The following ARHGAP26 variants were observed in gnomAD, a reference collection of about 807,000 sequenced individuals.
ARHGAP26 encodes Rho GTPase activating protein 26.
In ARHGAP26, 38 loss-of-function variants were observed where a neutral mutation model predicts 104.8. The observed-to-expected ratio is 0.36, with a 90% confidence interval of 0.28 to 0.48. The LOEUF is 0.48. Ranked by LOEUF, ARHGAP26 falls within the 20% of genes least tolerant of loss-of-function variation. ARHGAP26 has a pLI of 0.99. For synonymous variants in ARHGAP26, 341 were observed against 340.0 expected (o/e 1.00, Z -0.03); for missense variants, 704 against 947.9 (o/e 0.74, Z 3.38).
At chr5:143,037,073 T>C in intron 12 of ARHGAP26, 123 bp from the exon 13 acceptor site, 1 of 540,268 alleles carries the variant, frequency 1.9e-6, no homozygotes, top group Non-Finnish European at 3.3e-6. Context: ...GTACTGTTAT[T>C]GGGAAAAACT....
intron 11 of ARHGAP26, among the ~76,000 whole-genome samples, chr5:143,012,548 C>CATATATATATATATATGTATATAT (rs1414408846): frequency 4.3e-5 from 1 of 23,352 alleles, no homozygotes; most frequent in Non-Finnish European, 1.1e-4. Flanking sequence ...TATATACATA[C>CATATATATATATATATGTATATAT]ATACATATAT....
intron 17 of ARHGAP26, among the ~76,000 whole-genome samples, chr5:143,059,722 G>A (rs1786413953): frequency 6.6e-6 from 1 of 152,180 alleles, no homozygotes; most frequent in African/African-American, 2.4e-5. Context: ...TTACTTCATA[G>A]CATTTCTTGA....
rs1283896667 is a variant in ARHGAP26, at chr5:143,207,561, C to G, written c.2099+253C>G. The G allele has an allele frequency of 6.0e-6, 9 of 1,496,264 alleles. No individual in the cohort carries two copies. The East Asian group carries it at 1.6e-4, about 26-fold the overall frequency. The allele number at this position is 1,496,264 out of a possible 1,614,324, so 92.7% of individuals were successfully genotyped here. ...GGGCTGCCCCTGCTCTCCTGTGGTT[C>G]CATCCTAAGAGACCAGAGCTAAAAG... is the stretch of plus-strand genomic sequence containing the variant. On this transcript the variant is annotated intron_variant, in intron 21 of 22. Coordinates refer to ENST00000645722, the MANE Select transcript of ARHGAP26 (RefSeq NM_001135608.3).
At chr5:142,996,768 T>G (rs1448007241) in intron 11 of ARHGAP26, among the ~76,000 whole-genome samples, 1 of 151,400 alleles carries the variant, frequency 6.6e-6, no homozygotes, top group African/African-American at 2.4e-5. Context: ...TGGAGGGAGG[T>G]TGGGGTTGCA....
At chr5:143,134,920 A>G (rs757121747) in intron 19 of ARHGAP26, among the ~76,000 whole-genome samples, 4 of 152,256 alleles carry the variant, frequency 2.6e-5, no homozygotes, top group Admixed American at 6.5e-5. Flanking sequence ...AGCAGCTACT[A>G]CCATTATTGG....
At chr5:142,981,235 C>T (rs1773896903) in intron 11 of ARHGAP26, among the ~76,000 whole-genome samples, 1 of 152,224 alleles carries the variant, frequency 6.6e-6, no homozygotes, top group Non-Finnish European at 1.5e-5. Context: ...TTGCTACCCA[C>T]TAGTATGGTA....
intron 11 of ARHGAP26, among the ~76,000 whole-genome samples, chr5:142,956,872 C>G (rs1356102147): frequency 6.6e-6 from 1 of 152,152 alleles, no homozygotes; most frequent in Non-Finnish European, 1.5e-5. Flanking sequence ...CCCTGATAAA[C>G]CCATCAGATC....
chr5:143,035,116 T>C (rs245827), intron 12 of ARHGAP26, among the ~76,000 whole-genome samples: 103,620 of 152,246 alleles, frequency 0.68, 42,154 homozygotes, highest in Non-Finnish European at 0.91. Flanking sequence ...GTAATAAGCA[T>C]CACTAAGCAA....
intron 1 of ARHGAP26, among the ~76,000 whole-genome samples, chr5:142,842,884 G>A (rs1771085446): frequency 6.6e-6 from 1 of 152,188 alleles, no homozygotes; most frequent in Admixed American, 6.5e-5. Flanking sequence ...GATTATACTA[G>A]TGATGGTATA....
chr5:142,976,132 A>G (rs989321192), intron 11 of ARHGAP26, among the ~76,000 whole-genome samples: 4 of 152,302 alleles, frequency 2.6e-5, no homozygotes, highest in Admixed American at 6.5e-5. Flanking sequence ...CCAAGTAAAG[A>G]TATGGTATCA....
chr5:142,985,192 A>C (rs1234310626), intron 11 of ARHGAP26, among the ~76,000 whole-genome samples: 1 of 152,254 alleles, frequency 6.6e-6, no homozygotes, highest in Admixed American at 6.5e-5. Context: ...TTGTTGAATA[A>C]GGAAAAAATA....
At chr5:142,818,418 C>T (rs1042179042) in intron 1 of ARHGAP26, among the ~76,000 whole-genome samples, 2 of 152,116 alleles carry the variant, frequency 1.3e-5, no homozygotes, top group East Asian at 1.9e-4. Context: ...CAGGGACTGA[C>T]GGCACAGGAG....
intron 4 of ARHGAP26, among the ~76,000 whole-genome samples, chr5:142,880,494 G>T (rs539496409): frequency 3.4e-5 from 5 of 147,476 alleles, no homozygotes; most frequent in Admixed American, 6.7e-5. Flanking sequence ...TGCAGCCTGG[G>T]CAACAGAGCA....
At chr5:143,145,749 A>G (rs918844573) in intron 19 of ARHGAP26, among the ~76,000 whole-genome samples, 2 of 152,190 alleles carry the variant, frequency 1.3e-5, no homozygotes, top group African/African-American at 4.8e-5. Context: ...ATCTACTTTG[A>G]GTACAGTAGT....
At chr5:143,204,199 CAAAT>C (rs1808207761) in intron 20 of ARHGAP26, among the ~76,000 whole-genome samples, 1 of 152,010 alleles carries the variant, frequency 6.6e-6, no homozygotes, top group African/African-American at 2.4e-5. Context: ...AAAACATAAA[CAAAT>C]GAAATTCTGA....
At chr5:142,833,078 G>A (rs1768822502) in intron 1 of ARHGAP26, among the ~76,000 whole-genome samples, 1 of 151,756 alleles carries the variant, frequency 6.6e-6, no homozygotes, top group South Asian at 2.1e-4. Context: ...TTTTTGAGGT[G>A]GAGTTTCACT....
intron 22 of ARHGAP26, 99 bp from the exon 23 acceptor site, chr5:143,222,243 TCATACACACACACACA>T: frequency 2.1e-6 from 1 of 480,794 alleles, no homozygotes; most frequent in Non-Finnish European, 3.2e-6. Context: ...CAAGCTTCCT[TCATACACACACACACA>T]CACACACACA....
At chr5:142,889,311 T>C (rs1200806788) in intron 5 of ARHGAP26, among the ~76,000 whole-genome samples, 1 of 152,178 alleles carries the variant, frequency 6.6e-6, no homozygotes, top group Admixed American at 6.5e-5. Flanking sequence ...TCATGGACTT[T>C]ATATTCTAGT....
intron 19 of ARHGAP26, among the ~76,000 whole-genome samples, chr5:143,142,933 A>AT (rs1451227959): frequency 3.3e-5 from 5 of 151,864 alleles, no homozygotes; most frequent in Non-Finnish European, 4.4e-5. Flanking sequence ...TTGCCTTCCT[A>AT]TTTTTTTTAA....
Sources: allele counts gnomAD v4.1 joint callset (sites outside exome capture counted in the v4.1 genomes callset), GRCh38; gene constraint gnomAD v4.1.1; transcripts MANE v1.5; gene names NCBI Gene and HGNC (gene_info 2026-07-23, HGNC 2026-07-21).